UNC13B: variants seen among roughly 807,000 people sequenced by gnomAD.
UNC13B encodes the protein unc-13 homolog B.
In UNC13B, 144 loss-of-function variants were observed where a neutral mutation model predicts 211.0. The observed-to-expected ratio is 0.68, with a 90% CI of 0.60 to 0.78. The LOEUF is 0.78. UNC13B is among the 30% of genes least tolerant of loss of function. The pLI, the probability that UNC13B is intolerant of heterozygous loss-of-function variation, is 0.00. For synonymous variants in UNC13B, 709 were observed against 725.8 expected, an observed-to-expected ratio of 0.98 and a Z score of 0.37; for missense variants, 1,777 against 2,002.0, an observed-to-expected ratio of 0.89 and a Z score of 2.14.
At position 35,236,455 on chromosome 9, in the gene UNC13B, C is replaced by T. The variant is rs1825514870; in HGVS notation, c.153-14C>T. On this transcript the variant is annotated splice_polypyrimidine_tract_variant and intron_variant, in intron 3 of 39. Coordinates refer to ENST00000635942, the MANE Select transcript of UNC13B (RefSeq NM_001371189.2). ...TGTCTAGCTTTCCTCAAAGGGCTTT[C>T]CTCTTTCCCTTAGTGAGATTAGTCG... is the stretch of plus-strand genomic sequence containing the variant. 1.2e-6 allele frequency: 2 copies of T among 1,606,016 alleles called. No individual in the cohort carries two copies. The highest frequency in any genetic ancestry group is 1.7e-6 in the Non-Finnish European group (2 of 1,173,168).
chr9:35,253,758 C>T (rs1309806456), intron 6 of UNC13B, among the ~76,000 whole-genome samples: 1 of 152,160 alleles, frequency 6.6e-6, no homozygotes, highest in Non-Finnish European at 1.5e-5. Flanking sequence ...ATGCGTGCTG[C>T]AGTGAACATT....
intron 24 of UNC13B, among the ~76,000 whole-genome samples, chr9:35,387,569 CA>C (rs1458253511): frequency 2.6e-5 from 4 of 152,338 alleles, no homozygotes; most frequent in African/African-American, 7.2e-5. Flanking sequence ...TGAGGAAAGA[CA>C]CTGTTCTCAT....
chr9:35,247,535 C>A (rs909958621), intron 6 of UNC13B, among the ~76,000 whole-genome samples: 1 of 152,054 alleles, frequency 6.6e-6, no homozygotes, highest in African/African-American at 2.4e-5. Flanking sequence ...CCCATCAGTA[C>A]CTAATTTATT....
intron 6 of UNC13B, among the ~76,000 whole-genome samples, chr9:35,251,271 C>T (rs1826467186): frequency 6.6e-6 from 1 of 151,994 alleles, no homozygotes; most frequent in Non-Finnish European, 1.5e-5. Context: ...GCCTACTCTT[C>T]CATTTTTTGC....
intron 21 of UNC13B, among the ~76,000 whole-genome samples, chr9:35,383,245 C>T (rs983637173): frequency 6.6e-6 from 1 of 152,180 alleles, no homozygotes; most frequent in Non-Finnish European, 1.5e-5. Flanking sequence ...TTTCTAGTGT[C>T]CAGACTGTTT....
At chr9:35,281,037 C>T (rs917847648) in intron 7 of UNC13B, among the ~76,000 whole-genome samples, 1 of 152,042 alleles carries the variant, frequency 6.6e-6, no homozygotes, top group African/African-American at 2.4e-5. Context: ...ATCACGAGGT[C>T]AGGAGATCGA....
At chr9:35,345,373 G>A (rs62543219) in intron 11 of UNC13B, among the ~76,000 whole-genome samples, 20,286 of 152,054 alleles carry the variant, frequency 0.13, 1,768 homozygotes, top group South Asian at 0.22. Flanking sequence ...CTAAGATGAA[G>A]TATCAAAGGG....
chr9:35,376,063 A>C lies in UNC13B; in HGVS notation c.9651A>C (p.Leu3217Phe). The change falls in exon 15 of 40, where the codon TTA becomes TTC. Residue 3217 changes from leucine to phenylalanine, a missense_variant. Leu to Phe is a conservative substitution (Grantham distance 22). Coordinates refer to ENST00000635942, the MANE Select transcript of UNC13B (RefSeq NM_001371189.2). ...TGTATAAGAAAACCCTGCAGGCCTT[A>C]ATCTACCCCATTTCGTGCACCACTC... ...SHVYKKTLQA[L>F]IYPISCTTPH... is the part of the protein sequence containing the mutation. 6.2e-7 allele frequency: 1 copy of C among 1,614,218 alleles called. No homozygotes were observed. Among genetic ancestry groups the C allele is most frequent in the Non-Finnish European group, 8.5e-7 (1 of 1,180,042 alleles).
At chr9:35,243,132 A>G (rs902752876) in intron 5 of UNC13B, among the ~76,000 whole-genome samples, 159 bp from the exon 6 acceptor site, 1 of 152,188 alleles carries the variant, frequency 6.6e-6, no homozygotes, top group Non-Finnish European at 1.5e-5. Flanking sequence ...TGTGAAGAGT[A>G]AAGATAATGT....
intron 1 of UNC13B, among the ~76,000 whole-genome samples, chr9:35,171,605 T>C (rs1821336861): frequency 6.6e-6 from 1 of 152,152 alleles, no homozygotes; most frequent in African/African-American, 2.4e-5. Context: ...GGTCTCCCTA[T>C]GTTGCCCAGG....
chr9:35,195,551 T>C (rs1469592120), intron 1 of UNC13B, among the ~76,000 whole-genome samples: 2 of 152,190 alleles, frequency 1.3e-5, no homozygotes, highest in Admixed American at 1.3e-4. Flanking sequence ...CTCAGATACT[T>C]TTTTGTTTAC....
intron 1 of UNC13B, among the ~76,000 whole-genome samples, chr9:35,205,476 A>ATT (rs1162404268): frequency 3.9e-5 from 6 of 152,174 alleles, no homozygotes; most frequent in Non-Finnish European, 8.8e-5. Context: ...ACCACAATAA[A>ATT]TTTTAGAATA....
intron 11 of UNC13B, among the ~76,000 whole-genome samples, chr9:35,316,741 C>A (rs1166454948): frequency 2.0e-5 from 3 of 152,084 alleles, no homozygotes; most frequent in African/African-American, 7.2e-5. Flanking sequence ...AACAAAATCT[C>A]TGAATAATTA....
chr9:35,171,864 A>G (rs932736993), intron 1 of UNC13B, among the ~76,000 whole-genome samples: 1 of 149,940 alleles, frequency 6.7e-6, no homozygotes, highest in African/African-American at 2.5e-5. Context: ...AGTGTAGATT[A>G]GATTATGTGG....
At position 35,198,805 on chromosome 9, in the gene UNC13B, G is replaced by A. The variant is rs145399777; in HGVS notation, c.23-29210G>A. On this transcript the variant is annotated intron_variant, in intron 1 of 39. Coordinates refer to ENST00000635942, the MANE Select transcript of UNC13B (RefSeq NM_001371189.2). ...ACTGGAGCAAAGTCAGTTTTGTTAT[G>A]TGTTAGCAAAGAGGTTGGAGGCATT... Among the ~76,000 whole-genome samples the A allele has an allele frequency of 1.3e-4, 20 of 152,292 alleles. No individual in the cohort carries two copies. In the East Asian group the frequency reaches 3.7e-3, roughly 28 times the overall value.
At position 35,330,058 on chromosome 9, in the gene UNC13B, G is replaced by A. The variant is rs368491063; in HGVS notation, c.9414+16069G>A. 2.9e-4 allele frequency among the ~76,000 whole-genome samples: 44 copies of A among 152,280 alleles called. No homozygotes were observed. The South Asian group carries it at 6.6e-3, about 23-fold the overall frequency. ...AAATTTAGGGCTGGATAGAAATGCC[G>A]AGAACTGGGTTTTTGTATTAGCTCA... On this transcript the variant is annotated intron_variant, in intron 11 of 39. Transcript: ENST00000635942.
Position 35,197,347 on chromosome 9 carries a change from A to G in UNC13B, c.23-30668A>G, listed in dbSNP as rs146263823. Among the ~76,000 whole-genome samples the G allele has an allele frequency of 1.1e-3, 169 of 152,012 alleles. 1 individual carries two copies. The highest frequency in any genetic ancestry group is 1.6e-3 in the Non-Finnish European group (106 of 67,972). On this transcript the variant is annotated intron_variant, in intron 1 of 39. Transcript: ENST00000635942. Reference sequence around the variant, plus strand: ...CTCAGTCTCCTGAGTAGCTGGGACTACAGGTGTGTGCCCCCACACCCGGCT... The same window carrying G: ...CTCAGTCTCCTGAGTAGCTGGGACTGCAGGTGTGTGCCCCCACACCCGGCT...
intron 1 of UNC13B, among the ~76,000 whole-genome samples, chr9:35,185,938 A>G (rs903431342): frequency 9.9e-5 from 15 of 151,828 alleles, no homozygotes; most frequent in Non-Finnish European, 1.9e-4. Flanking sequence ...AAAAGAAAAA[A>G]AAAAAACAAC....
intron 25 of UNC13B, 30 bp downstream of exon 25, chr9:35,390,003 T>C: frequency 1.2e-6 from 2 of 1,611,216 alleles, no homozygotes; most frequent in Non-Finnish European, 1.7e-6. Context: ...GCCCTGTCTG[T>C]TGGTGGTTGG....
Sources: allele counts gnomAD v4.1 joint callset (sites outside exome capture counted in the v4.1 genomes callset), GRCh38; gene constraint gnomAD v4.1.1; transcripts MANE v1.5; gene names NCBI Gene and HGNC (gene_info 2026-07-23, HGNC 2026-07-21).